Variants in MITF observed in about 807,000 individuals in gnomAD.
The protein encoded by MITF is melanocyte inducing transcription factor.
In MITF, 17 loss-of-function variants were observed where a neutral mutation model predicts 60.5. The ratio of observed to expected loss-of-function variants is 0.28; its 90% CI spans 0.19 to 0.42. MITF has a LOEUF of 0.42. MITF is among the 10% of genes least tolerant of loss of function. MITF has a pLI of 1.00. For missense variants in MITF, 622 were observed against 683.5 expected (o/e 0.91, Z 1.00); for synonymous variants, 260 against 248.5 (o/e 1.05, Z -0.43).
intron 1 of MITF, among the ~76,000 whole-genome samples, chr3:69,782,975 C>A (rs191241985): frequency 6.6e-6 from 1 of 152,232 alleles, no homozygotes; most frequent in Admixed American, 6.5e-5. Flanking sequence ...AGATAATTTC[C>A]TACTAGTGAT....
intron 1 of MITF, among the ~76,000 whole-genome samples, chr3:69,836,195 G>C (rs564464968): frequency 2.0e-5 from 3 of 151,938 alleles, no homozygotes; most frequent in Non-Finnish European, 4.4e-5. Context: ...TACCCTGATG[G>C]TTATGTTTAT....
At chr3:69,813,353 C>T (rs1439596248) in intron 1 of MITF, among the ~76,000 whole-genome samples, 1 of 152,166 alleles carries the variant, frequency 6.6e-6, no homozygotes, top group African/African-American at 2.4e-5. Flanking sequence ...AAGTCTCCCT[C>T]TGGGAAGCGC....
intron 1 of MITF, among the ~76,000 whole-genome samples, chr3:69,823,730 C>T (rs2063312783): frequency 6.6e-6 from 1 of 152,142 alleles, no homozygotes; most frequent in Non-Finnish European, 1.5e-5. Context: ...GTGATCTGCA[C>T]CAAAGTAAGT....
At chr3:69,853,875 T>G (rs1468617415) in intron 1 of MITF, among the ~76,000 whole-genome samples, 1 of 151,650 alleles carries the variant, frequency 6.6e-6, no homozygotes, top group Non-Finnish European at 1.5e-5. Context: ...TTTTTTTTTT[T>G]TTTTTGACAA....
chr3:69,918,337 C>T (rs939276859), intron 2 of MITF, among the ~76,000 whole-genome samples: 14 of 152,116 alleles, frequency 9.2e-5, no homozygotes, highest in African/African-American at 3.4e-4. Flanking sequence ...TGTGAGTCAC[C>T]ACGCCTGGCC....
intron 2 of MITF, among the ~76,000 whole-genome samples, chr3:69,920,511 AT>A (rs2065441747): frequency 6.6e-6 from 1 of 152,116 alleles, no homozygotes; most frequent in African/African-American, 2.4e-5. Context: ...GCAGTAGTAA[AT>A]TAGTGAAAGT....
chr3:69,819,081 A>T (rs2063225882), intron 1 of MITF, among the ~76,000 whole-genome samples: 1 of 152,210 alleles, frequency 6.6e-6, no homozygotes. Context: ...GAACAAAAAC[A>T]ACTATAGTTG....
intron 7 of MITF, among the ~76,000 whole-genome samples, chr3:69,954,117 T>C (rs565297909): frequency 8.5e-4 from 130 of 152,294 alleles, no homozygotes; most frequent in African/African-American, 2.9e-3. Context: ...AGGGAAGTCA[T>C]GGAACTAAAA....
In MITF at chr3:69,964,458, T is replaced by C. The variant is rs2066633782; in HGVS notation, c.1180-389T>C. Among the ~76,000 whole-genome samples the C allele has an allele frequency of 1.5e-5, 2 of 133,950 alleles. 1 individual carries two copies. The highest frequency in any genetic ancestry group is 3.2e-5 in the Non-Finnish European group (2 of 62,158). 87.9% of individuals were successfully genotyped at this position (133,950 alleles called of 152,430 possible). On this transcript the variant is annotated intron_variant, in intron 9 of 9. Coordinates refer to ENST00000352241, the MANE Select transcript of MITF (RefSeq NM_001354604.2). ...CATTAATTTAAAAGAACAAAAAACT[T>C]TTATTTTGAGGATTTATTGTTTTCC...
chr3:69,771,157 T>C (rs1488914999), intron 1 of MITF, among the ~76,000 whole-genome samples: 2 of 152,164 alleles, frequency 1.3e-5, no homozygotes, highest in Non-Finnish European at 2.9e-5. Context: ...GCTGTTGCTA[T>C]GTATGAGACA....
intron 1 of MITF, among the ~76,000 whole-genome samples, chr3:69,868,155 A>G (rs1210095291): frequency 6.6e-6 from 1 of 152,240 alleles, no homozygotes; most frequent in African/African-American, 2.4e-5. Flanking sequence ...AGAAGAATTC[A>G]TTGCCTAACT....
In MITF at chr3:69,951,845, C is replaced by T; in HGVS notation, c.914C>T (p.Ala305Val). ...TTTCCCACAGAGTCTGAAGCAAGAG[C>T]ACTGGCCAAAGAGAGGCAGAAAAAG... ...CIFPTESEARALAKERQKKDN... is the reference protein window; with the variant it reads ...CIFPTESEARVLAKERQKKDN... Residue 305 changes from alanine to valine, a missense_variant, in exon 7 of 10, where the codon GCA (alanine) becomes GTA (valine). Around this residue, in one of 5 missense-constraint regions of MITF, gnomAD observed 215 missense variants for 224.8 expected, o/e 0.96. Transcript: ENST00000352241. 6.2e-7 allele frequency: 1 copy of T among 1,613,486 alleles called. No individual in the cohort carries two copies. Among genetic ancestry groups the T allele is most frequent in the East Asian group, 2.2e-5 (1 of 44,778 alleles).
chr3:69,947,947 C>T (rs2066140991), intron 5 of MITF, among the ~76,000 whole-genome samples: 1 of 152,132 alleles, frequency 6.6e-6, no homozygotes, highest in East Asian at 1.9e-4. Context: ...ATGCAAGGTA[C>T]TCTGTTGAAT....
At chr3:69,815,354 G>A (rs1176241282) in intron 1 of MITF, among the ~76,000 whole-genome samples, 1 of 152,072 alleles carries the variant, frequency 6.6e-6, no homozygotes, top group African/African-American at 2.4e-5. Context: ...CCACCTGTAC[G>A]TGATGTTTCT....
intron 2 of MITF, among the ~76,000 whole-genome samples, chr3:69,930,656 G>A (rs1003288438): frequency 6.6e-6 from 1 of 152,214 alleles, no homozygotes; most frequent in Non-Finnish European, 1.5e-5. Flanking sequence ...TTTGATGAAG[G>A]CAGCAGTCCA....
At chr3:69,828,258 C>G (rs12107678) in intron 1 of MITF, among the ~76,000 whole-genome samples, 76,187 of 151,914 alleles carry the variant, frequency 0.5, 20,793 homozygotes, top group Non-Finnish European at 0.63. Context: ...TAGTTTCAAA[C>G]GTTGTATTTT....
chr3:69,846,459 G>T (rs1333231395), intron 1 of MITF, among the ~76,000 whole-genome samples: 1 of 152,084 alleles, frequency 6.6e-6, no homozygotes, highest in Non-Finnish European at 1.5e-5. Flanking sequence ...TTGGCTCTTG[G>T]TAAGCATTTG....
At position 69,896,982 on chromosome 3, in the gene MITF, G is replaced by C. The variant is rs538991083; in HGVS notation, c.354+17599G>C. Among the ~76,000 whole-genome samples the C allele has an allele frequency of 2.0e-5, 3 of 152,290 alleles. No individual in the cohort carries two copies. In the East Asian group the frequency reaches 5.8e-4, roughly 29 times the overall value. On this transcript the variant is annotated intron_variant, in intron 2 of 9. Transcript: ENST00000352241. ...CCAAAAGACTAGGATGAGGGGGCAT[G>C]GCACATGGAGAGAAATGAAGCAACA...
At chr3:69,927,281 ACAC>A (rs2065614757) in intron 2 of MITF, among the ~76,000 whole-genome samples, 1 of 152,170 alleles carries the variant, frequency 6.6e-6, no homozygotes, top group Non-Finnish European at 1.5e-5. Context: ...GGAAAACCAA[ACAC>A]CACATGTTCT....
Sources: gnomAD v4.1 joint callset for allele counts (sites outside exome capture counted in the v4.1 genomes callset) on GRCh38, gnomAD v4.1.1 for gene constraint, gnomAD v4.1.1 regional missense constraint, MANE v1.5 for transcripts, NCBI Gene and HGNC (gene_info 2026-07-23, HGNC 2026-07-21) for gene names.